DSCAML1: variants seen among roughly 807,000 people sequenced by gnomAD.
DSCAML1 encodes DS cell adhesion molecule like 1.
A neutral mutation model predicts 200.5 loss-of-function variants in DSCAML1; 38 were observed. That is an observed-to-expected ratio of 0.19 (90% CI 0.15 to 0.25). The LOEUF is 0.25. DSCAML1 is among the 10% of genes least tolerant of loss of function. The probability of loss-of-function intolerance (pLI) is 1.00; values close to 1 mark genes in which losing one functional copy is unlikely to be tolerated. For synonymous variants in DSCAML1, 1,215 were observed against 1,165.0 expected (o/e 1.04, Z -0.87); for missense variants, 2,223 against 2,858.8 (o/e 0.78, Z 5.07).
chr11:117,675,184 C>T (rs2053185928), intron 3 of DSCAML1, among the ~76,000 whole-genome samples: 1 of 152,130 alleles, frequency 6.6e-6, no homozygotes, highest in Non-Finnish European at 1.5e-5. Context: ...TGTGTGTTAG[C>T]GTTTATAATT....
At position 117,776,862 on chromosome 11, in the gene DSCAML1, A is replaced by G. The variant is rs748651790; in HGVS notation, c.440T>C (p.Leu147Pro). The change falls in exon 3 of 33, where the codon CTC becomes CCC. Residue 147 changes from leucine (L) to proline (P), a missense_variant. Physicochemically the swap from Leu to Pro is moderately conservative, Grantham distance 98. Coordinates refer to ENST00000651296, the MANE Select transcript of DSCAML1 (RefSeq NM_020693.4). ...ATATTCCTGCACTGAAGAGGGGATGAGGCACTTGAAGACGGCCACGTTGCC... is the reference window on the plus strand; with the variant it reads ...ATATTCCTGCACTGAAGAGGGGATGGGGCACTTGAAGACGGCCACGTTGCC... ...MRGNVAVFKC[L>P]IPSSVQEYVS... 8 of 1,614,090 alleles carry G rather than the reference A, an allele frequency of 5.0e-6. No homozygotes were observed. Among genetic ancestry groups the G allele is most frequent in the Non-Finnish European group, 6.8e-6 (8 of 1,180,032 alleles).
intron 3 of DSCAML1, among the ~76,000 whole-genome samples, chr11:117,639,683 C>T (rs1436355195): frequency 1.3e-5 from 2 of 152,094 alleles, no homozygotes; most frequent in Non-Finnish European, 1.5e-5. Context: ...GGCTTGTCTT[C>T]GTTGCCATTC....
At chr11:117,779,896 A>G (rs985474562) in intron 2 of DSCAML1, among the ~76,000 whole-genome samples, 2 of 152,086 alleles carry the variant, frequency 1.3e-5, no homozygotes, top group Non-Finnish European at 2.9e-5. Flanking sequence ...TTTCCTTTAT[A>G]TATTATTTTT....
intron 3 of DSCAML1, among the ~76,000 whole-genome samples, chr11:117,738,091 A>G (rs531209517): frequency 6.6e-6 from 1 of 152,304 alleles, no homozygotes; most frequent in African/African-American, 2.4e-5. Flanking sequence ...AGGTTACTCA[A>G]TAGATGCTTA....
At chr11:117,519,988 T>C (rs2137313879) in intron 6 of DSCAML1, among the ~76,000 whole-genome samples, 1 of 152,298 alleles carries the variant, frequency 6.6e-6, no homozygotes, top group East Asian at 1.9e-4. Flanking sequence ...TTGCTTGGGT[T>C]TGGCTGGTAT....
At position 117,504,098 on chromosome 11, in the gene DSCAML1, C is replaced by A; in HGVS notation, c.2183-77G>T. 6.6e-7 allele frequency: 1 copy of A among 1,524,206 alleles called. No homozygotes were observed. Among genetic ancestry groups the A allele is most frequent in the South Asian group, 1.2e-5 (1 of 81,402 alleles). 94.4% of individuals were successfully genotyped at this position (1,524,206 alleles called of 1,614,324 possible). On this transcript the variant is annotated intron_variant, in intron 10 of 32. Coordinates refer to ENST00000651296, the MANE Select transcript of DSCAML1 (RefSeq NM_020693.4). The surrounding 1 kb of genome is among the most constrained non-coding windows in gnomAD (Gnocchi z 5.0). ...GAGAGTGCCCCAGGAGTGGCCCTGA[C>A]ACCTCGCTCTTGCAGATCTAGGGCC...
At chr11:117,723,509 A>C (rs969334245) in intron 3 of DSCAML1, among the ~76,000 whole-genome samples, 14 of 152,202 alleles carry the variant, frequency 9.2e-5, no homozygotes, top group Non-Finnish European at 1.5e-4. Context: ...CCAGTATTTT[A>C]CAAAAAAAGA....
Position 117,461,601 on chromosome 11 carries a change from AG to A in DSCAML1, c.3266-6del, listed in dbSNP as rs758880044. ...TCTCAGGGGGCTGGCTGGGCACTGC[AG>A]GGGGTAGGGGGAGAACCAAGGGTCC... is the stretch of plus-strand genomic sequence containing the variant. On this transcript the variant is annotated splice_polypyrimidine_tract_variant and splice_region_variant and intron_variant, in intron 17 of 32. Coordinates refer to ENST00000651296, the MANE Select transcript of DSCAML1 (RefSeq NM_020693.4). 41 of 1,609,522 alleles carry A rather than the reference AG, an allele frequency of 2.5e-5. 1 individual carries two copies. The South Asian group carries it at 4.2e-4, about 16-fold the overall frequency.
intron 3 of DSCAML1, among the ~76,000 whole-genome samples, chr11:117,637,166 A>G (rs1044272289): frequency 2.0e-5 from 3 of 152,086 alleles, no homozygotes; most frequent in African/African-American, 7.2e-5. Flanking sequence ...GACACCCAAG[A>G]CTGGGGTTGA....
intron 3 of DSCAML1, among the ~76,000 whole-genome samples, chr11:117,535,027 G>A (rs1428174405): frequency 2.0e-5 from 3 of 150,002 alleles, no homozygotes; most frequent in East Asian, 1.9e-4. Flanking sequence ...CCTCCCTCCC[G>A]CACATCTCTG....
At chr11:117,532,673 A>G (rs2050103815) in intron 3 of DSCAML1, 151 bp from the exon 4 acceptor site, 2 of 802,828 alleles carry the variant, frequency 2.5e-6, no homozygotes, top group Non-Finnish European at 1.9e-6. Flanking sequence ...TAGATGCTCC[A>G]GGGTTTAACA....
intron 3 of DSCAML1, among the ~76,000 whole-genome samples, chr11:117,772,489 G>C (rs996974749): frequency 3.3e-5 from 5 of 152,220 alleles, no homozygotes; most frequent in African/African-American, 1.2e-4. Flanking sequence ...ATGCAGGCTT[G>C]TCTTCCTGAG....
intron 1 of DSCAML1, among the ~76,000 whole-genome samples, chr11:117,787,937 T>C (rs2055390858): frequency 6.6e-6 from 1 of 152,098 alleles, no homozygotes; most frequent in African/African-American, 2.4e-5. Context: ...ATCCCAGAGT[T>C]GGAAAAATTG....
chr11:117,431,789 T>G (rs1375055973), intron 30 of DSCAML1, 61 bp from the exon 31 acceptor site: 1 of 1,469,558 alleles, frequency 6.8e-7, no homozygotes, highest in African/African-American at 1.4e-5. Context: ...CTTGGGCAGC[T>G]GGCACTTACC....
At chr11:117,742,747 TCAGAG>T (rs1656879000) in intron 3 of DSCAML1, among the ~76,000 whole-genome samples, 1 of 152,186 alleles carries the variant, frequency 6.6e-6, no homozygotes, top group Admixed American at 6.5e-5. Context: ...TATTCTGTCT[TCAGAG>T]AGTCAACATA....
chr11:117,602,330 C>G (rs1030338031), intron 3 of DSCAML1, among the ~76,000 whole-genome samples: 1 of 152,212 alleles, frequency 6.6e-6, no homozygotes, highest in Non-Finnish European at 1.5e-5. Flanking sequence ...TGCCCTCCAG[C>G]TGCCTGTGAC....
chr11:117,803,538 G>A (rs1055439115), intron 1 of DSCAML1, among the ~76,000 whole-genome samples: 1 of 151,622 alleles, frequency 6.6e-6, no homozygotes, highest in East Asian at 1.9e-4. Flanking sequence ...GATCATATTT[G>A]TATCTAATTT....
chr11:117,653,517 G>A (rs1256747709), intron 3 of DSCAML1, among the ~76,000 whole-genome samples: 11 of 152,074 alleles, frequency 7.2e-5, no homozygotes, highest in Admixed American at 6.5e-5. Flanking sequence ...GTAGACCCCC[G>A]GGCTAGCCCA....
intron 3 of DSCAML1, among the ~76,000 whole-genome samples, chr11:117,554,161 T>G (rs1335169037): frequency 6.6e-6 from 1 of 152,004 alleles, no homozygotes. Flanking sequence ...GGAGGGGGAA[T>G]GGGGAGCTAT....
Sources: allele counts gnomAD v4.1 joint callset (sites outside exome capture counted in the v4.1 genomes callset), GRCh38; gene constraint gnomAD v4.1.1; non-coding constraint Gnocchi (gnomAD v3.1); transcripts MANE v1.5; gene names NCBI Gene and HGNC (gene_info 2026-07-23, HGNC 2026-07-21).